TCF4: variants seen among roughly 807,000 people sequenced by gnomAD.
TCF4 encodes transcription factor 4, also known as SL3-3 enhancer factor 2.
Under a neutral mutation model 82.1 loss-of-function variants are expected in TCF4, and 3 were observed. That is an observed-to-expected ratio of 0.04 (90% CI 0.02 to 0.09). The LOEUF (loss-of-function observed/expected upper bound fraction) is 0.09. Among genes scored for constraint, TCF4 ranks in the 10% least tolerant of loss-of-function variants. TCF4 has a pLI of 1.00. For missense variants in TCF4, 518 were observed against 852.7 expected (o/e 0.61, Z 4.89); for synonymous variants, 276 against 309.6 (o/e 0.89, Z 1.14).
At chr18:55,470,850 C>G (rs369663839) in intron 3 of TCF4, among the ~76,000 whole-genome samples, 1 of 152,178 alleles carries the variant, frequency 6.6e-6, no homozygotes, top group African/African-American at 2.4e-5. Flanking sequence ...GATAGGATGT[C>G]AAGTTCTTCC....
At chr18:55,230,148 C>CAAAAAAAAAA in intron 17 of TCF4, 1 of 103,282 alleles carries the variant, frequency 9.7e-6, no homozygotes, top group Non-Finnish European at 1.8e-5. Flanking sequence ...CTGTCTCTTA[C>CAAAAAAAAAA]AAAAAAAAAA....
intron 8 of TCF4, among the ~76,000 whole-genome samples, chr18:55,327,431 G>A (rs773835257): frequency 5.9e-5 from 9 of 152,116 alleles, no homozygotes; most frequent in Non-Finnish European, 1.2e-4. Flanking sequence ...GACACATTTA[G>A]TTTGGAAGAT....
chr18:55,251,644 G>C (rs185777354), intron 15 of TCF4, among the ~76,000 whole-genome samples: 1 of 152,308 alleles, frequency 6.6e-6, no homozygotes, highest in Non-Finnish European at 1.5e-5. Context: ...GAATTACTGA[G>C]GAGAGTTAGA....
intron 2 of TCF4, among the ~76,000 whole-genome samples, chr18:55,617,745 GA>G: frequency 6.6e-6 from 1 of 151,178 alleles, no homozygotes. Context: ...TTACTGTATA[GA>G]AACACAACCG....
chr18:55,626,259 GT>G (rs2097726449), intron 2 of TCF4, among the ~76,000 whole-genome samples: 1 of 152,116 alleles, frequency 6.6e-6, no homozygotes, highest in African/African-American at 2.4e-5. Flanking sequence ...TGGGCAATCG[GT>G]TTTCCAATTC....
At chr18:55,315,937 C>CT (rs369798034) in intron 8 of TCF4, among the ~76,000 whole-genome samples, 13 of 151,686 alleles carry the variant, frequency 8.6e-5, no homozygotes, top group Non-Finnish European at 1.5e-4. Flanking sequence ...ACAGATATCC[C>CT]TTTTTTTTAA....
intron 5 of TCF4, among the ~76,000 whole-genome samples, chr18:55,423,820 T>C (rs928652614): frequency 3.3e-5 from 5 of 151,956 alleles, no homozygotes; most frequent in African/African-American, 4.8e-5. Context: ...CTGCCTACAC[T>C]CCAACTGACG....
At chr18:55,510,687 G>A in intron 3 of TCF4, 1 of 1,461,530 alleles carries the variant, frequency 6.8e-7, no homozygotes, top group Admixed American at 2.4e-5. Flanking sequence ...TGTGAACTGA[G>A]ACCTCCACTT....
At chr18:55,354,145 A>T (rs985353317) in intron 6 of TCF4, among the ~76,000 whole-genome samples, 1 of 151,884 alleles carries the variant, frequency 6.6e-6, no homozygotes, top group Admixed American at 6.6e-5. Flanking sequence ...CTCGCTCCTA[A>T]TTTTTTTTCC....
rs2924337 is a variant in TCF4, at chr18:55,503,294, G to A, written c.146-39157C>T. ...CCTGAAAATTCGAAGTTAGAAAGCC[G>A]AAAATTCGAAGTTAGAAAGCCATAA... On this transcript the variant is annotated intron_variant, in intron 3 of 19. Coordinates refer to ENST00000354452, the MANE Select transcript of TCF4 (RefSeq NM_001083962.2). Among the ~76,000 whole-genome samples, 1,166 of 152,194 alleles carry A rather than the reference G, an allele frequency of 7.7e-3. 13 individuals are homozygous for A. Among genetic ancestry groups the A allele is most frequent in the African/African-American group, 0.027 (1,117 of 41,504 alleles).
intron 2 of TCF4, among the ~76,000 whole-genome samples, chr18:55,621,639 TATAATATACATTA>T (rs2097719664): frequency 4.8e-5 from 1 of 20,844 alleles, no homozygotes; most frequent in African/African-American, 5.1e-4. Context: ...ATATATATTA[TATAATATACATTA>T]TATAATATAC....
At chr18:55,559,156 A>C (rs1349459976) in intron 3 of TCF4, among the ~76,000 whole-genome samples, 2 of 151,594 alleles carry the variant, frequency 1.3e-5, no homozygotes, top group African/African-American at 4.8e-5. Flanking sequence ...AAAGCAAAAA[A>C]AAAAAAAAAA....
At chr18:55,599,684 G>T (rs1245998972) in intron 2 of TCF4, among the ~76,000 whole-genome samples, 2 of 152,210 alleles carry the variant, frequency 1.3e-5, no homozygotes, top group Non-Finnish European at 2.9e-5. Context: ...TCGTGCCACT[G>T]CACTCCAGCC....
At chr18:55,542,304 C>T (rs1367664625) in intron 3 of TCF4, among the ~76,000 whole-genome samples, 1 of 151,958 alleles carries the variant, frequency 6.6e-6, no homozygotes, top group Non-Finnish European at 1.5e-5. Flanking sequence ...CACATAGAAT[C>T]TTAAAAGTTA....
At chr18:55,296,099 A>G (rs961020419) in intron 8 of TCF4, among the ~76,000 whole-genome samples, 6 of 151,080 alleles carry the variant, frequency 4.0e-5, no homozygotes, top group Non-Finnish European at 7.4e-5. Flanking sequence ...GGAAAAGTAC[A>G]TTAAAGTGTT....
At position 55,296,059 on chromosome 18, in the gene TCF4, C is replaced by T. The variant is rs550833827; in HGVS notation, c.550-16403G>A. Among the ~76,000 whole-genome samples, 21 of 151,564 alleles carry T rather than the reference C, an allele frequency of 1.4e-4. 1 individual carries two copies. Among genetic ancestry groups the T allele is most frequent in the Non-Finnish European group, 2.9e-4 (20 of 67,952 alleles). On this transcript the variant is annotated intron_variant, in intron 8 of 19. Transcript: ENST00000354452. ...AGCTGAATTACTTTATTCTGTCAAA[C>T]TTCTTGCCACCATCTGAGTGAAGGA...
chr18:55,476,471 T>C (rs2096291069), intron 3 of TCF4, among the ~76,000 whole-genome samples: 1 of 152,072 alleles, frequency 6.6e-6, no homozygotes, highest in African/African-American at 2.4e-5. Flanking sequence ...GTTTTTTGTT[T>C]TTTGTTTTTG....
In TCF4 at chr18:55,559,625, T is replaced by C. The variant is rs191781044; in HGVS notation, c.145+25655A>G. Among the ~76,000 whole-genome samples, 21 of 96,328 alleles carry C rather than the reference T, an allele frequency of 2.2e-4. No individual in the cohort carries two copies. In the East Asian group the frequency reaches 6.7e-3, roughly 31 times the overall value. The allele number at this position is 96,328 out of a possible 152,430, so 63.2% of individuals were successfully genotyped here. A position where few individuals can be genotyped will look rare whatever the true frequency, so the allele number is the denominator to read the frequency against. Reference sequence around the variant, plus strand: ...CTGTCAAAAATGTTAAAAATTATCATAGGGTTTTTTCTTTAAAAAAAAAAA... The same window carrying C: ...CTGTCAAAAATGTTAAAAATTATCACAGGGTTTTTTCTTTAAAAAAAAAAA... On this transcript the variant is annotated intron_variant, in intron 3 of 19. Coordinates refer to ENST00000354452, the MANE Select transcript of TCF4 (RefSeq NM_001083962.2).
intron 3 of TCF4, among the ~76,000 whole-genome samples, chr18:55,502,970 T>C (rs1037430): frequency 0.074 from 11,208 of 152,264 alleles, 816 homozygotes; most frequent in East Asian, 0.42. Context: ...CTTCAATTTC[T>C]AAAATATCTA....
Sources: gnomAD v4.1 joint callset for allele counts (sites outside exome capture counted in the v4.1 genomes callset) on GRCh38, gnomAD v4.1.1 for gene constraint, MANE v1.5 for transcripts, NCBI Gene and HGNC (gene_info 2026-07-23, HGNC 2026-07-21) for gene names.